Variants in DLC1 observed in about 807,000 individuals in gnomAD.
The protein encoded by DLC1 is DLC1 Rho GTPase activating protein.
In DLC1, 54 loss-of-function variants were observed where a neutral mutation model predicts 140.3. That is an observed-to-expected ratio of 0.38 (90% CI 0.31 to 0.48). The LOEUF is 0.48. Among genes scored for constraint, DLC1 ranks in the 20% least tolerant of loss-of-function variants. The pLI, the probability that DLC1 is intolerant of heterozygous loss-of-function variation, is 0.96. For synonymous variants in DLC1, 986 were observed against 728.1 expected, an observed-to-expected ratio of 1.35 and a Z score of -5.70; for missense variants, 2,536 against 1,907.0, an observed-to-expected ratio of 1.33 and a Z score of -6.14.
rs754558057 is a variant in DLC1, at chr8:13,090,271, G to A, written c.4055C>T (p.Ala1352Val). Reference protein sequence around the residue: ...GWVSYSTSEQAELSYKKVSEG... With the variant: ...GWVSYSTSEQVELSYKKVSEG... Reference sequence around the variant, plus strand: ...CCTTACCTTCTTATAGGACAGCTCAGCCTGCTCCGAAGTGGAGTAGCTGAC... The same window carrying A: ...CCTTACCTTCTTATAGGACAGCTCAACCTGCTCCGAAGTGGAGTAGCTGAC... The change falls in exon 15 of 18, where the codon GCT becomes GTT. Residue 1352 changes from alanine (A) to valine (V), a missense_variant. Physicochemically the swap from Ala to Val is moderately conservative, Grantham distance 64. Transcript: ENST00000276297. 3.7e-6 allele frequency: 6 copies of A among 1,614,124 alleles called. No individual in the cohort carries two copies. The East Asian group carries it at 1.3e-4, about 36-fold the overall frequency.
chr8:13,285,804 T>C (rs1342137348), intron 5 of DLC1, among the ~76,000 whole-genome samples: 1 of 152,116 alleles, frequency 6.6e-6, no homozygotes, highest in African/African-American at 2.4e-5. Context: ...ACTAAAGATA[T>C]ATAAAAATAT....
chr8:13,152,292 A>G (rs1001176435), intron 5 of DLC1, among the ~76,000 whole-genome samples: 1 of 152,192 alleles, frequency 6.6e-6, no homozygotes, highest in Non-Finnish European at 1.5e-5. Context: ...ACAACTTTGC[A>G]TGCTTCTCTT....
At chr8:13,523,234 T>A (rs953630541) in intron 1 of DLC1, among the ~76,000 whole-genome samples, 10 of 152,168 alleles carry the variant, frequency 6.6e-5, no homozygotes, top group African/African-American at 2.4e-4. Flanking sequence ...GTGAAGGTAA[T>A]GAGAAATATC....
intron 5 of DLC1, among the ~76,000 whole-genome samples, chr8:13,189,189 T>C (rs1374513652): frequency 6.6e-6 from 1 of 152,160 alleles, no homozygotes; most frequent in Non-Finnish European, 1.5e-5. Context: ...CATTCAACAA[T>C]AGAGGCTAAA....
chr8:13,256,920 A>C (rs548413329), intron 5 of DLC1, among the ~76,000 whole-genome samples: 94 of 149,372 alleles, frequency 6.3e-4, no homozygotes, highest in Non-Finnish European at 1.1e-3. Flanking sequence ...GGATCTTGGG[A>C]GATACGCAGA....
In DLC1 at chr8:13,479,883, GAAAGAA is replaced by G. The variant is rs1276785717; in HGVS notation, c.1023+19160_1023+19165del. Among the ~76,000 whole-genome samples, 10 of 89,110 alleles carry G rather than the reference GAAAGAA, an allele frequency of 1.1e-4. 1 individual carries two copies. The highest frequency in any genetic ancestry group is 3.5e-4 in the African/African-American group (9 of 25,682). 58.5% of individuals were successfully genotyped at this position (89,110 alleles called of 152,430 possible). A position where few individuals can be genotyped will look rare whatever the true frequency, so the allele number is the denominator to read the frequency against. ...AGAGAAAAAGAAAGAAAGAAAGAAA[GAAAGAA>G]AAAGAAAGAAAGAAGAAAAGTATAC... On this transcript the variant is annotated intron_variant, in intron 2 of 17. Coordinates refer to ENST00000276297, the MANE Select transcript of DLC1 (RefSeq NM_182643.3).
chr8:13,210,074 A>G (rs1200237986), intron 5 of DLC1, among the ~76,000 whole-genome samples: 1 of 152,132 alleles, frequency 6.6e-6, no homozygotes, highest in East Asian at 1.9e-4. Context: ...GGTAGAGAGG[A>G]AATGTTTTTT....
chr8:13,197,283 T>C (rs1017409029), intron 5 of DLC1, among the ~76,000 whole-genome samples: 14 of 152,226 alleles, frequency 9.2e-5, no homozygotes, highest in African/African-American at 3.1e-4. Context: ...TCTCCTATGC[T>C]GATCAGATTC....
At chr8:13,169,546 G>T (rs1019000665) in intron 5 of DLC1, among the ~76,000 whole-genome samples, 8 of 152,114 alleles carry the variant, frequency 5.3e-5, no homozygotes, top group African/African-American at 9.7e-5. Flanking sequence ...CAAGTGAGGG[G>T]GTACTTAGGT....
At chr8:13,462,869 C>T (rs749190753) in intron 2 of DLC1, among the ~76,000 whole-genome samples, 26 of 152,082 alleles carry the variant, frequency 1.7e-4, no homozygotes, top group Non-Finnish European at 3.2e-4. Context: ...TAAAAAAGAA[C>T]GTTGAACGCA....
intron 1 of DLC1, among the ~76,000 whole-genome samples, chr8:13,594,552 G>GT (rs1331598267): frequency 1.3e-5 from 2 of 151,994 alleles, no homozygotes; most frequent in African/African-American, 2.4e-5. Context: ...GATTTTCTGC[G>GT]TAAGTCTTCT....
At chr8:13,094,384 G>C (rs1328040708) in intron 12 of DLC1, among the ~76,000 whole-genome samples, 1 of 152,210 alleles carries the variant, frequency 6.6e-6, no homozygotes, top group Non-Finnish European at 1.5e-5. Context: ...ACGCTATCAA[G>C]GCCAGGCGTG....
chr8:13,500,274 T>C, intron 1 of DLC1, 78 bp from the exon 2 acceptor site: 1 of 493,286 alleles, frequency 2.0e-6, no homozygotes, highest in Non-Finnish European at 3.6e-6. Flanking sequence ...AGAGAAAACT[T>C]AATCTATGCT....
At chr8:13,429,176 G>T (rs1374338642) in intron 2 of DLC1, among the ~76,000 whole-genome samples, 1 of 152,140 alleles carries the variant, frequency 6.6e-6, no homozygotes, top group Non-Finnish European at 1.5e-5. Context: ...GAAACACTGT[G>T]GTTCTTTTTA....
chr8:13,245,603 T>C (rs2117261206), intron 5 of DLC1, among the ~76,000 whole-genome samples: 1 of 152,316 alleles, frequency 6.6e-6, no homozygotes, highest in South Asian at 2.1e-4. Flanking sequence ...GGGACTTTTC[T>C]TTAGGGAAAT....
chr8:13,290,600 T>C (rs1831718927), intron 5 of DLC1, among the ~76,000 whole-genome samples: 1 of 152,054 alleles, frequency 6.6e-6, no homozygotes, highest in Non-Finnish European at 1.5e-5. Flanking sequence ...AATGTCTTAA[T>C]AATAATAATA....
At chr8:13,393,730 T>C (rs754553333) in intron 3 of DLC1, 37 bp from the exon 4 acceptor site, 5 of 1,589,998 alleles carry the variant, frequency 3.1e-6, no homozygotes, top group Non-Finnish European at 4.3e-6. Context: ...GAAGGACATG[T>C]GAATGTTCCC....
intron 5 of DLC1, among the ~76,000 whole-genome samples, chr8:13,205,143 A>C (rs993989729): frequency 3.3e-5 from 5 of 152,202 alleles, no homozygotes; most frequent in African/African-American, 4.8e-5. Flanking sequence ...CATTTTAGAT[A>C]GGAAAACAGA....
At chr8:13,495,440 C>T (rs1213934646) in intron 2 of DLC1, among the ~76,000 whole-genome samples, 1 of 152,182 alleles carries the variant, frequency 6.6e-6, no homozygotes, top group Non-Finnish European at 1.5e-5. Flanking sequence ...GCCCTGAGTG[C>T]TGGTCATATG....
Sources: gnomAD v4.1 joint callset for allele counts (sites outside exome capture counted in the v4.1 genomes callset) on GRCh38, gnomAD v4.1.1 for gene constraint, MANE v1.5 for transcripts, NCBI Gene and HGNC (gene_info 2026-07-23, HGNC 2026-07-21) for gene names.